Variants in TRAF3 observed in about 807,000 individuals in gnomAD.
TRAF3 encodes TNF receptor-associated factor 3.
Under a neutral mutation model 62.3 loss-of-function variants are expected in TRAF3, and 13 were observed. The observed-to-expected ratio is 0.21, with a 90% CI of 0.14 to 0.33. The LOEUF is 0.33. Ranked by LOEUF, TRAF3 falls within the 10% of genes least tolerant of loss-of-function variation. TRAF3 has a pLI of 1.00. For synonymous variants in TRAF3, 269 were observed against 283.4 expected (o/e 0.95, Z 0.51); for missense variants, 440 against 741.8 (o/e 0.59, Z 4.73).
chr14:102,881,402 A>C (rs866401277), intron 6 of TRAF3, among the ~76,000 whole-genome samples: 8,725 of 151,784 alleles, frequency 0.057, 380 homozygotes, highest in African/African-American at 0.12. Context: ...AAACAAAAAA[A>C]AAAAAAAAGA....
At chr14:102,856,073 G>A (rs555970026) in intron 2 of TRAF3, among the ~76,000 whole-genome samples, 1 of 132,896 alleles carries the variant, frequency 7.5e-6, no homozygotes, top group Non-Finnish European at 1.5e-5. Flanking sequence ...TCCAGCCTGG[G>A]CAACAGAGTA....
chr14:102,896,394 T>G (rs143528893), intron 9 of TRAF3, among the ~76,000 whole-genome samples: 51 of 152,268 alleles, frequency 3.3e-4, no homozygotes, highest in African/African-American at 1.1e-3. Context: ...TAAATGAGAG[T>G]GCATCGTGTT....
chr14:102,823,006 CA>C (rs113907707), intron 1 of TRAF3, among the ~76,000 whole-genome samples: 237 of 128,706 alleles, frequency 1.8e-3, no homozygotes, highest in Middle Eastern at 4.5e-3. Context: ...AACTCCATCT[CA>C]AAAAAAAAAA....
rs1311782696 is a variant in TRAF3, at chr14:102,876,373, G to T, written c.418G>T (p.Asp140Tyr). ...TGTCTTACAGGTGCATTTAAAAAAT[G>T]ATTGCCATTTTGAAGAACTTCCATG... ...LGHLLVHLKNDCHFEELPCVR... is the reference protein window; with the variant it reads ...LGHLLVHLKNYCHFEELPCVR... The change falls in exon 6 of 12, where the codon GAT (aspartate) becomes TAT (tyrosine). Residue 140 changes from aspartate (D) to tyrosine (Y), a missense_variant. Physicochemically the swap from Asp to Tyr is radical, Grantham distance 160 (BLOSUM62 -3). This residue lies in a region of TRAF3 where 255 missense variants were observed against 424.1 expected (regional missense o/e 0.60). Coordinates refer to ENST00000392745, the MANE Select transcript of TRAF3 (RefSeq NM_145725.3). 4 of 1,614,152 alleles carry T rather than the reference G, an allele frequency of 2.5e-6. No individual in the cohort carries two copies. Among genetic ancestry groups the T allele is most frequent in the South Asian group, 1.1e-5 (1 of 91,052 alleles).
chr14:102,823,993 A>T (rs1159593469), intron 1 of TRAF3, among the ~76,000 whole-genome samples: 1 of 152,088 alleles, frequency 6.6e-6, no homozygotes, highest in Admixed American at 6.6e-5. Flanking sequence ...CATTTTATGT[A>T]TTTGTTAGTC....
At chr14:102,842,775 C>T (rs1198331523) in intron 2 of TRAF3, among the ~76,000 whole-genome samples, 1 of 152,168 alleles carries the variant, frequency 6.6e-6, no homozygotes, top group Non-Finnish European at 1.5e-5. Context: ...ACAGCGATTC[C>T]TGGTCACATC....
rs1368037141 is a variant in TRAF3, at chr14:102,905,817, C to T, written c.*33C>T. Reference sequence around the variant, plus strand: ...CTGGGGAGGTGGATTTAGCAGAAGGCAACTCCTCTGGGGGATTTGAACCGG... The same window carrying T: ...CTGGGGAGGTGGATTTAGCAGAAGGTAACTCCTCTGGGGGATTTGAACCGG... On this transcript the variant is annotated 3_prime_UTR_variant, in exon 12 of 12. Transcript: ENST00000392745. 1 of 1,582,468 alleles carries T rather than the reference C, an allele frequency of 6.3e-7. No homozygotes were observed. The highest frequency in any genetic ancestry group is 1.3e-5 in the African/African-American group (1 of 74,184).
chr14:102,882,269 G>C (rs557651848), intron 6 of TRAF3, among the ~76,000 whole-genome samples: 2 of 152,214 alleles, frequency 1.3e-5, no homozygotes, highest in Non-Finnish European at 1.5e-5. Flanking sequence ...CCTGATTTGT[G>C]CAAACATTCC....
chr14:102,852,821 C>T (rs1247333246), intron 2 of TRAF3, among the ~76,000 whole-genome samples: 1 of 152,024 alleles, frequency 6.6e-6, no homozygotes, highest in Non-Finnish European at 1.5e-5. Context: ...CCGCCTCAGC[C>T]TCTTGAGTAG....
At chr14:102,842,115 G>A (rs1264084314) in intron 2 of TRAF3, among the ~76,000 whole-genome samples, 1 of 151,630 alleles carries the variant, frequency 6.6e-6, no homozygotes, top group Non-Finnish European at 1.5e-5. Context: ...CGTGGTGCAG[G>A]CGCCTGTAAT....
At chr14:102,811,682 T>G (rs1309518945) in intron 1 of TRAF3, among the ~76,000 whole-genome samples, 2 of 150,210 alleles carry the variant, frequency 1.3e-5, no homozygotes, top group Non-Finnish European at 3.0e-5. Flanking sequence ...TGATCGGAAG[T>G]TGCTAAGATG....
intron 2 of TRAF3, among the ~76,000 whole-genome samples, chr14:102,842,167 C>A (rs578008921): frequency 1.3e-5 from 2 of 151,562 alleles, no homozygotes; most frequent in Non-Finnish European, 2.9e-5. Flanking sequence ...TCACTTGAAC[C>A]CGGGAGGTGG....
chr14:102,790,869 T>C (rs925719850), intron 1 of TRAF3, among the ~76,000 whole-genome samples: 2 of 152,160 alleles, frequency 1.3e-5, no homozygotes, highest in African/African-American at 4.8e-5. Context: ...GTTGCAACTT[T>C]ATATGAATTT....
intron 1 of TRAF3, among the ~76,000 whole-genome samples, chr14:102,829,008 T>C (rs1900496326): frequency 6.6e-6 from 1 of 152,212 alleles, no homozygotes; most frequent in Non-Finnish European, 1.5e-5. Context: ...TAGAAGAGCA[T>C]TTTCAGATGT....
chr14:102,900,284 C>T (rs1386160891), intron 10 of TRAF3, among the ~76,000 whole-genome samples: 2 of 150,106 alleles, frequency 1.3e-5, no homozygotes, highest in African/African-American at 5.0e-5. Context: ...GGGTGGATCA[C>T]GAGGTCAGGA....
intron 6 of TRAF3, among the ~76,000 whole-genome samples, chr14:102,880,543 AGT>A (rs1197068093): frequency 3.9e-5 from 6 of 152,264 alleles, no homozygotes; most frequent in African/African-American, 1.2e-4. Context: ...TGTGGAAGAC[AGT>A]GTGACGATTC....
At chr14:102,904,319 A>G (rs1890465213) in intron 11 of TRAF3, among the ~76,000 whole-genome samples, 1 of 152,162 alleles carries the variant, frequency 6.6e-6, no homozygotes. Context: ...GCCTCAGGAC[A>G]TCTTCTACAC....
rs374197709 is a variant in TRAF3 at position 102,910,437 on chromosome 14, C to T, written c.*4653C>T. On this transcript the variant is annotated 3_prime_UTR_variant, in exon 12 of 12. Transcript: ENST00000392745. ...GCAAATCTCAGTAGCTCTGTTTTCT[C>T]CAAAGTAGAATGTGCGCACCGGGGT... is the stretch of plus-strand genomic sequence containing the variant. The T allele has an allele frequency of 6.6e-6, 1 of 152,360 alleles. No individual in the cohort carries two copies. The highest frequency in any genetic ancestry group is 2.4e-5 in the African/African-American group (1 of 41,570). 9.4% of individuals were successfully genotyped at this position (152,360 alleles called of 1,614,324 possible).
At chr14:102,861,569 G>A (rs1173893129) in intron 2 of TRAF3, among the ~76,000 whole-genome samples, 2 of 152,286 alleles carry the variant, frequency 1.3e-5, no homozygotes, top group East Asian at 3.9e-4. Context: ...CAGTGCTGCA[G>A]TCTATTTCCT....
Sources: gnomAD v4.1 joint callset for allele counts (sites outside exome capture counted in the v4.1 genomes callset) on GRCh38, gnomAD v4.1.1 for gene constraint, gnomAD v4.1.1 regional missense constraint, MANE v1.5 for transcripts, NCBI Gene and HGNC (gene_info 2026-07-23, HGNC 2026-07-21) for gene names.